The following CEP83 variants were observed in gnomAD, a reference collection of about 807,000 sequenced individuals.
CEP83 encodes centrosomal protein 83, also known as centrosomal protein of 83 kDa.
In CEP83, 70 loss-of-function variants were observed where a neutral mutation model predicts 101.9. That is an observed-to-expected ratio of 0.69 (90% confidence interval 0.57 to 0.84). CEP83 has a LOEUF of 0.84. CEP83 is among the 40% of genes least tolerant of loss of function. The pLI is 0.00. For missense variants in CEP83, 715 were observed against 787.2 expected, an observed-to-expected ratio of 0.91 and a Z score of 1.10; for synonymous variants, 264 against 267.9, an observed-to-expected ratio of 0.99 and a Z score of 0.14.
chr12:94,305,117 G>T, downstream of CEP83: 6 of 975,290 alleles, frequency 6.2e-6, no homozygotes, highest in Non-Finnish European at 9.6e-6. Flanking sequence ...CATCAGGTAT[G>T]CAAAAAACAG....
intron 9 of CEP83, 176 bp downstream of exon 9, chr12:94,369,746 A>C (rs962043935): frequency 8.8e-6 from 4 of 453,050 alleles, no homozygotes; most frequent in African/African-American, 8.1e-5. Context: ...AAGTTATTAA[A>C]TCTTACAATG....
intron 11 of CEP83, among the ~76,000 whole-genome samples, chr12:94,345,836 C>A (rs148874855): frequency 1.3e-3 from 205 of 152,226 alleles, no homozygotes; most frequent in Non-Finnish European, 2.1e-3. Flanking sequence ...GATTTCCATA[C>A]GATTGTCCAT....
At chr12:94,275,419 C>T in the CEP83 span, among the ~76,000 whole-genome samples, 12 of 152,306 alleles carry the variant, frequency 7.9e-5, no homozygotes, top group Admixed American at 5.9e-4. Flanking sequence ...TGAGGGCAGA[C>T]GCTGTGATGT....
the CEP83 span, among the ~76,000 whole-genome samples, chr12:94,286,062 T>C: frequency 2.6e-5 from 4 of 152,156 alleles, no homozygotes; most frequent in Non-Finnish European, 4.4e-5. Context: ...TCGGGAGAGA[T>C]AGAACATCAG....
At chr12:94,383,674 T>G (rs903483538) in intron 6 of CEP83, among the ~76,000 whole-genome samples, 2 of 152,148 alleles carry the variant, frequency 1.3e-5, no homozygotes, top group Non-Finnish European at 2.9e-5. Flanking sequence ...TTTGGTCTGT[T>G]TCTTCTCTTA....
intron 14 of CEP83, among the ~76,000 whole-genome samples, chr12:94,318,270 G>A (rs574490800): frequency 9.9e-5 from 15 of 152,136 alleles, no homozygotes; most frequent in Non-Finnish European, 1.9e-4. Flanking sequence ...TTTGTATCTT[G>A]AAACTTTGCT....
chr12:94,412,233 A>C, intron 3 of CEP83, 85 bp downstream of exon 3: 1 of 1,097,660 alleles, frequency 9.1e-7, no homozygotes, highest in Non-Finnish European at 1.3e-6. Context: ...ACAAAATTAT[A>C]CTATATTCTA....
intron 11 of CEP83, chr12:94,361,483 C>T (rs753712958): frequency 6.6e-6 from 1 of 152,074 alleles, no homozygotes; most frequent in Non-Finnish European, 1.5e-5. Flanking sequence ...CCTGTGAATA[C>T]CCACTGCAAT....
intron 1 of CEP83, among the ~76,000 whole-genome samples, chr12:94,455,456 C>T (rs750776180): frequency 2.6e-5 from 4 of 152,134 alleles, no homozygotes; most frequent in Non-Finnish European, 2.9e-5. Context: ...CTGAATCAAA[C>T]GAATATTTAT....
chr12:94,368,262 T>C, intron 9 of CEP83, 61 bp from the exon 10 acceptor site: 6 of 1,317,010 alleles, frequency 4.6e-6, no homozygotes, highest in South Asian at 4.1e-5. Flanking sequence ...AAAAATCACA[T>C]TTAACAGCAA....
Position 94,368,207 on chromosome 12 carries a change from G to A in CEP83, c.1049-6C>T, listed in dbSNP as rs1309217506. On this transcript the variant is annotated splice_polypyrimidine_tract_variant and splice_region_variant and intron_variant, in intron 9 of 16. Coordinates refer to ENST00000397809, the MANE Select transcript of CEP83 (RefSeq NM_016122.3). ...TTCATTGTCTGACTGTAATCCTAGTGTTTTTCAAGGAGAAAAGTGTACTAT... is the reference window on the plus strand; with the variant it reads ...TTCATTGTCTGACTGTAATCCTAGTATTTTTCAAGGAGAAAAGTGTACTAT... 4 of 1,604,582 alleles carry A rather than the reference G, an allele frequency of 2.5e-6. No individual in the cohort carries two copies. Among genetic ancestry groups the A allele is most frequent in the Admixed American group, 1.7e-5 (1 of 58,600 alleles).
At chr12:94,340,412 A>C (rs1484053430) in intron 11 of CEP83, among the ~76,000 whole-genome samples, 1 of 151,854 alleles carries the variant, frequency 6.6e-6, no homozygotes, top group East Asian at 1.9e-4. Context: ...TGAGCATGTG[A>C]ACTAGACCCA....
chr12:94,272,553 C>T, the CEP83 span, among the ~76,000 whole-genome samples: 2 of 152,210 alleles, frequency 1.3e-5, no homozygotes, highest in Non-Finnish European at 2.9e-5. Flanking sequence ...CCTGGCCCTG[C>T]CATCCTAGTC....
the CEP83 span, among the ~76,000 whole-genome samples, chr12:94,292,448 C>T: frequency 2.6e-5 from 4 of 152,156 alleles, no homozygotes; most frequent in Non-Finnish European, 4.4e-5. Context: ...GCATGTCCCA[C>T]ATTATGCTTA....
the CEP83 span, among the ~76,000 whole-genome samples, chr12:94,278,850 T>C: frequency 1.3e-5 from 2 of 151,918 alleles, no homozygotes; most frequent in Non-Finnish European, 2.9e-5. Context: ...ATACAAAAAT[T>C]AGCCAGGCAT....
At chr12:94,392,895 G>C (rs1305283591) in intron 6 of CEP83, among the ~76,000 whole-genome samples, 4 of 152,098 alleles carry the variant, frequency 2.6e-5, no homozygotes, top group African/African-American at 4.8e-5. Context: ...ATAAATTCCT[G>C]GACAAATACA....
At chr12:94,402,914 GA>G (rs1370831770) in intron 5 of CEP83, 1 of 236,048 alleles carries the variant, frequency 4.2e-6, no homozygotes, top group Non-Finnish European at 8.1e-6. Flanking sequence ...AATTAAAAAA[GA>G]AATAAAATTA....
At chr12:94,445,789 A>T (rs1025782757) in intron 1 of CEP83, among the ~76,000 whole-genome samples, 5 of 152,170 alleles carry the variant, frequency 3.3e-5, no homozygotes, top group Admixed American at 2.6e-4. Context: ...ATTCACTGGG[A>T]GATTGAAATT....
intron 6 of CEP83, among the ~76,000 whole-genome samples, chr12:94,385,784 G>A (rs1239524508): frequency 6.6e-6 from 1 of 152,138 alleles, no homozygotes; most frequent in East Asian, 1.9e-4. Flanking sequence ...ATAGTAATGA[G>A]CCACATAATG....
Sources: gnomAD v4.1 joint callset for allele counts (sites outside exome capture counted in the v4.1 genomes callset) on GRCh38, gnomAD v4.1.1 for gene constraint, MANE v1.5 for transcripts, NCBI Gene and HGNC (gene_info 2026-07-23, HGNC 2026-07-21) for gene names.